The following NKAIN3 variants were observed in gnomAD, a reference collection of about 807,000 sequenced individuals.
The protein encoded by NKAIN3 is sodium/potassium transporting ATPase interacting 3.
Under a neutral mutation model 30.2 loss-of-function variants are expected in NKAIN3, and 25 were observed. The observed-to-expected ratio is 0.83, with a 90% confidence interval of 0.60 to 1.16. The LOEUF is 1.16. Among genes scored for constraint, NKAIN3 ranks in the 50% most tolerant of loss-of-function variants. The pLI, the probability that NKAIN3 is intolerant of heterozygous loss-of-function variation, is 0.00. For synonymous variants in NKAIN3, 91 were observed against 89.6 expected (o/e 1.02, Z -0.09); for missense variants, 225 against 254.1 (o/e 0.89, Z 0.78).
intron 3 of NKAIN3, among the ~76,000 whole-genome samples, chr8:62,672,215 C>T (rs1813326871): frequency 6.6e-6 from 1 of 152,186 alleles, no homozygotes; most frequent in African/African-American, 2.4e-5. Flanking sequence ...AAGGTTCACC[C>T]ATGCCATCCA....
intron 4 of NKAIN3, among the ~76,000 whole-genome samples, chr8:62,898,545 T>C (rs1045592140): frequency 2.0e-5 from 3 of 152,026 alleles, no homozygotes; most frequent in Non-Finnish European, 4.4e-5. Flanking sequence ...ATAGTGGATA[T>C]TGGAGACTCA....
rs78731543 is a variant in NKAIN3, at chr8:62,971,998, T to G, written c.*6591T>G. 0.011 allele frequency among the ~76,000 whole-genome samples: 1,665 copies of G among 152,320 alleles called. 32 individuals carry two copies. Among genetic ancestry groups the G allele is most frequent in the African/African-American group, 0.038 (1,588 of 41,552 alleles). On this transcript the variant is annotated 3_prime_UTR_variant, in exon 7 of 7. Transcript: ENST00000623646. ...ATTGAGTTTAAAATTCTAGAGCCAA[T>G]CTAACATTTTGCTTGGTCCTCATTG...
At chr8:62,280,360 C>T (rs1476658808) in intron 1 of NKAIN3, among the ~76,000 whole-genome samples, 1 of 152,040 alleles carries the variant, frequency 6.6e-6, no homozygotes, top group East Asian at 1.9e-4. Context: ...ATTGCATATC[C>T]TTTATTCCTT....
At chr8:62,986,866 T>C (rs532148452), downstream of NKAIN3, among the ~76,000 whole-genome samples, 6 of 152,330 alleles carry the variant, frequency 3.9e-5, no homozygotes, top group South Asian at 8.3e-4. Flanking sequence ...TTTCTCATCT[T>C]GGTATATAAA....
At chr8:62,412,066 A>C (rs545185106) in intron 1 of NKAIN3, among the ~76,000 whole-genome samples, 1 of 152,282 alleles carries the variant, frequency 6.6e-6, no homozygotes, top group South Asian at 2.1e-4. Flanking sequence ...AATAAAAGCT[A>C]TTCTAGAATT....
chr8:62,848,123 C>T (rs1819748247), intron 4 of NKAIN3, among the ~76,000 whole-genome samples: 1 of 152,094 alleles, frequency 6.6e-6, no homozygotes, highest in Non-Finnish European at 1.5e-5. Context: ...ATGCCTCCAG[C>T]TTTGTTCTTT....
chr8:62,856,070 G>A (rs558800128), intron 4 of NKAIN3: 1 of 701,048 alleles, frequency 1.4e-6, no homozygotes, highest in South Asian at 1.5e-5. Context: ...TACACCCCAT[G>A]AGCATCAAAC....
rs1238788543 is a variant in NKAIN3 at position 62,984,327 on chromosome 8, A to T, written c.*18920A>T. 3 of 152,322 alleles carry T rather than the reference A, an allele frequency of 2.0e-5. No individual in the cohort carries two copies. In the East Asian group the frequency reaches 5.8e-4, roughly 29 times the overall value. The allele number at this position is 152,322 out of a possible 1,614,324, so 9.4% of individuals were successfully genotyped here. A position where few individuals can be genotyped will look rare whatever the true frequency, so the allele number is the denominator to read the frequency against. On this transcript the variant is annotated 3_prime_UTR_variant, in exon 7 of 7. Transcript: ENST00000623646. The stretch of plus-strand genomic sequence containing the variant: ...TGGTAAGAGGGACAGAAAGACAAGA[A>T]CATAGTACCTTCTATTTCTACTACA...
rs1824139256 is a variant in NKAIN3, at chr8:62,983,682, T to C, written c.*18275T>C. On this transcript the variant is annotated 3_prime_UTR_variant, in exon 7 of 7. Transcript: ENST00000623646. ...CCATTCATCTGAGTAGTTAGGGCTC[T>C]GGATGAAGGAGCAAATGGACAAAAT... 1 of 152,196 alleles carries C rather than the reference T, an allele frequency of 6.6e-6. No individual in the cohort carries two copies. Among genetic ancestry groups the C allele is most frequent in the African/African-American group, 2.4e-5 (1 of 41,458 alleles). The allele number at this position is 152,196 out of a possible 1,614,324, so 9.4% of individuals were successfully genotyped here. A position where few individuals can be genotyped will look rare whatever the true frequency, so the allele number is the denominator to read the frequency against.
At chr8:62,420,840 A>G (rs1382058899) in intron 1 of NKAIN3, among the ~76,000 whole-genome samples, 1 of 152,234 alleles carries the variant, frequency 6.6e-6, no homozygotes, top group Admixed American at 6.5e-5. Context: ...ATTTAATTGT[A>G]GTATGATTCT....
At chr8:62,431,610 C>T (rs1444964034) in intron 1 of NKAIN3, among the ~76,000 whole-genome samples, 2 of 151,752 alleles carry the variant, frequency 1.3e-5, no homozygotes, top group Non-Finnish European at 3.0e-5. Flanking sequence ...AACCAAATAA[C>T]ATCTTTGTGT....
At chr8:62,575,725 C>T (rs1563465385) in intron 1 of NKAIN3, among the ~76,000 whole-genome samples, 1 of 152,030 alleles carries the variant, frequency 6.6e-6, no homozygotes, top group Non-Finnish European at 1.5e-5. Flanking sequence ...TACTACAGAG[C>T]TATAGTAACT....
chr8:62,569,489 C>A (rs902003706), intron 1 of NKAIN3, among the ~76,000 whole-genome samples: 3 of 152,052 alleles, frequency 2.0e-5, no homozygotes, highest in Non-Finnish European at 2.9e-5. Context: ...AAAAAGACTA[C>A]TTCAGGCTGG....
chr8:62,783,605 C>CT (rs386412917), intron 4 of NKAIN3, among the ~76,000 whole-genome samples: 8,413 of 121,376 alleles, frequency 0.069, 604 homozygotes, highest in African/African-American at 0.15. Flanking sequence ...GCAGAATACA[C>CT]TTTTTTTTTT....
At chr8:62,698,185 C>T (rs1169954604) in intron 3 of NKAIN3, among the ~76,000 whole-genome samples, 1 of 152,092 alleles carries the variant, frequency 6.6e-6, no homozygotes, top group Admixed American at 6.5e-5. Context: ...TATTTACAAA[C>T]AGCATCAATG....
At chr8:62,659,068 C>T (rs998685326) in intron 3 of NKAIN3, among the ~76,000 whole-genome samples, 3 of 152,146 alleles carry the variant, frequency 2.0e-5, no homozygotes, top group African/African-American at 7.2e-5. Flanking sequence ...CCATTTTAGT[C>T]AGAAATCATT....
chr8:62,523,684 C>T (rs1316430773), intron 1 of NKAIN3, among the ~76,000 whole-genome samples: 2 of 152,102 alleles, frequency 1.3e-5, no homozygotes, highest in Non-Finnish European at 2.9e-5. Flanking sequence ...CTGTGGGGCC[C>T]TCCAAGGTAC....
chr8:62,522,079 C>T (rs1403002283), intron 1 of NKAIN3, among the ~76,000 whole-genome samples: 2 of 152,038 alleles, frequency 1.3e-5, no homozygotes, highest in Non-Finnish European at 2.9e-5. Context: ...CCTAAAAAGG[C>T]GGCAGTCTAG....
intron 4 of NKAIN3, among the ~76,000 whole-genome samples, chr8:62,850,630 G>T (rs947864372): frequency 9.2e-5 from 14 of 151,916 alleles, no homozygotes; most frequent in African/African-American, 2.4e-5. Context: ...ATTAATTTTT[G>T]TATAAGGTGT....
Sources: allele counts gnomAD v4.1 joint callset (sites outside exome capture counted in the v4.1 genomes callset), GRCh38; gene constraint gnomAD v4.1.1; transcripts MANE v1.5; gene names NCBI Gene and HGNC (gene_info 2026-07-23, HGNC 2026-07-21).